EHD4: variants seen among roughly 807,000 people sequenced by gnomAD.
EHD4 encodes EH domain-containing protein 4.
A neutral mutation model predicts 51.0 loss-of-function variants in EHD4; 37 were observed. The ratio of observed to expected loss-of-function variants is 0.73; its 90% CI spans 0.56 to 0.95. The LOEUF (loss-of-function observed/expected upper bound fraction) is 0.95. Ranked by LOEUF, EHD4 falls within the 40% of genes least tolerant of loss-of-function variation. EHD4 has a pLI of 0.00. For synonymous variants in EHD4, 297 were observed against 317.3 expected (o/e 0.94, Z 0.68); for missense variants, 632 against 733.1 (o/e 0.86, Z 1.59).
At chr15:41,903,463 C>T (rs1196487351) in intron 5 of EHD4, among the ~76,000 whole-genome samples, 34 of 110,680 alleles carry the variant, frequency 3.1e-4, no homozygotes, top group African/African-American at 1.2e-3. Flanking sequence ...TACACACACA[C>T]ACACACACAC....
intron 3 of EHD4, among the ~76,000 whole-genome samples, chr15:41,923,107 C>A (rs1394712453): frequency 1.3e-5 from 2 of 152,172 alleles, no homozygotes; most frequent in Non-Finnish European, 2.9e-5. Flanking sequence ...GTCGTACAAC[C>A]ACCACCACCA....
intron 4 of EHD4, among the ~76,000 whole-genome samples, chr15:41,913,299 A>T (rs765250923): frequency 2.0e-5 from 3 of 152,192 alleles, no homozygotes; most frequent in Non-Finnish European, 4.4e-5. Context: ...CTCCAAATAC[A>T]TGCCAGACCC....
At chr15:41,945,850 C>T (rs757984645) in intron 2 of EHD4, among the ~76,000 whole-genome samples, 9 of 152,216 alleles carry the variant, frequency 5.9e-5, no homozygotes, top group Non-Finnish European at 1.2e-4. Flanking sequence ...TAGTGAAGAA[C>T]CTGGGCTCTG....
chr15:41,907,278 A>C (rs1177519999), intron 5 of EHD4, among the ~76,000 whole-genome samples: 2 of 152,236 alleles, frequency 1.3e-5, no homozygotes, highest in Non-Finnish European at 2.9e-5. Flanking sequence ...ATTTAGGTCA[A>C]GAAACCAAGT....
intron 1 of EHD4, among the ~76,000 whole-genome samples, chr15:41,957,779 T>C (rs540571090): frequency 6.6e-6 from 1 of 152,312 alleles, no homozygotes; most frequent in Non-Finnish European, 1.5e-5. Context: ...GATTTTTCAC[T>C]GGGGGACTGC....
At chr15:41,930,429 A>ATT (rs140157070) in intron 3 of EHD4, among the ~76,000 whole-genome samples, 1,557 of 152,340 alleles carry the variant, frequency 0.01, 21 homozygotes, top group South Asian at 0.042. Flanking sequence ...GAGGTCAAAC[A>ATT]TTTATAAGCA....
At chr15:41,919,719 G>A (rs2067611709) in intron 3 of EHD4, 97 bp from the exon 4 acceptor site, 1 of 1,243,710 alleles carries the variant, frequency 8.0e-7, no homozygotes, top group Non-Finnish European at 1.0e-6. Flanking sequence ...CAGCTGCCAG[G>A]GAGAGAGCCC....
chr15:41,903,344 GA>G (rs147864982), intron 5 of EHD4, among the ~76,000 whole-genome samples: 32,567 of 108,750 alleles, frequency 0.3, 4,336 homozygotes, highest in Middle Eastern at 0.51. Flanking sequence ...AAAAAAAACA[GA>G]AAAAACTGGT....
chr15:41,923,765 C>A (rs532411411), intron 3 of EHD4, among the ~76,000 whole-genome samples: 2 of 152,264 alleles, frequency 1.3e-5, no homozygotes, highest in African/African-American at 4.8e-5. Flanking sequence ...CCTTTTATTC[C>A]AAAAAGTTAC....
intron 3 of EHD4, among the ~76,000 whole-genome samples, chr15:41,940,191 G>A (rs530377247): frequency 3.3e-5 from 5 of 152,176 alleles, no homozygotes; most frequent in Non-Finnish European, 7.4e-5. Flanking sequence ...GTACACAAGC[G>A]GCCACCTTTC....
At chr15:41,963,644 T>C (rs1484604884) in intron 1 of EHD4, among the ~76,000 whole-genome samples, 1 of 150,842 alleles carries the variant, frequency 6.6e-6, no homozygotes, top group Non-Finnish European at 1.5e-5. Context: ...TCCTGAGTCT[T>C]AAGATAAACA....
chr15:41,902,241 C>CTCCA (rs56023420), intron 5 of EHD4, among the ~76,000 whole-genome samples: 17,358 of 146,236 alleles, frequency 0.12, 1,158 homozygotes, highest in African/African-American at 0.17. Flanking sequence ...TCCTTGGTTA[C>CTCCA]TCCATCCATC....
intron 5 of EHD4, among the ~76,000 whole-genome samples, chr15:41,906,360 G>A (rs982247129): frequency 6.6e-6 from 1 of 152,196 alleles, no homozygotes; most frequent in African/African-American, 2.4e-5. Flanking sequence ...GCCACACTGG[G>A]GAGATGACCT....
At chr15:41,926,557 T>C (rs1053512865) in intron 3 of EHD4, among the ~76,000 whole-genome samples, 1 of 151,926 alleles carries the variant, frequency 6.6e-6, no homozygotes, top group Admixed American at 6.6e-5. Flanking sequence ...GCACCAAGAG[T>C]TCCTTCTTGT....
In EHD4 at chr15:41,912,284, G is replaced by C. The variant is rs2067555348; in HGVS notation, c.925-2421C>G. ...CACTTCTAGGAAGTTCTGTTAGCGA[G>C]GTTTGTGGAAGTCTCCTGTTACGCT... On this transcript the variant is annotated intron_variant, in intron 4 of 5. Transcript: ENST00000220325. Among the ~76,000 whole-genome samples the C allele has an allele frequency of 4.6e-5, 7 of 152,274 alleles. No homozygotes were observed. In the South Asian group the frequency reaches 1.2e-3, roughly 27 times the overall value.
At chr15:41,954,415 C>T (rs906946171) in intron 1 of EHD4, among the ~76,000 whole-genome samples, 9 of 152,190 alleles carry the variant, frequency 5.9e-5, no homozygotes, top group African/African-American at 2.2e-4. Context: ...TCTGCAGCTC[C>T]CCATTCCTGC....
At chr15:41,907,094 C>T (rs974975829) in intron 5 of EHD4, among the ~76,000 whole-genome samples, 26 of 152,144 alleles carry the variant, frequency 1.7e-4, no homozygotes, top group Admixed American at 1.3e-4. Context: ...CCTACATTAT[C>T]GGGCTCACAG....
rs1280143318 is a variant in EHD4 at position 41,899,518 on chromosome 15, A to AC, written c.*1126dup. 1 of 151,754 alleles carries AC rather than the reference A, an allele frequency of 6.6e-6. No homozygotes were observed. The highest frequency in any genetic ancestry group is 2.4e-5 in the African/African-American group (1 of 41,272). 9.4% of individuals were successfully genotyped at this position (151,754 alleles called of 1,614,324 possible). A position where few individuals can be genotyped will look rare whatever the true frequency, so the allele number is the denominator to read the frequency against. The stretch of plus-strand genomic sequence containing the variant: ...TTTATCCTGTAAGGAAAAAAAAAAA[A>AC]CACAAAACCCTAGACATAATAAATG... On this transcript the variant is annotated 3_prime_UTR_variant, in exon 6 of 6. Transcript: ENST00000220325.
intron 5 of EHD4, among the ~76,000 whole-genome samples, chr15:41,904,358 G>A (rs892809856): frequency 2.0e-5 from 3 of 151,888 alleles, no homozygotes; most frequent in South Asian, 4.2e-4. Flanking sequence ...TCATCCCTGT[G>A]GTCCCCCCCA....
Sources: gnomAD v4.1 joint callset for allele counts (sites outside exome capture counted in the v4.1 genomes callset) on GRCh38, gnomAD v4.1.1 for gene constraint, MANE v1.5 for transcripts, NCBI Gene and HGNC (gene_info 2026-07-23, HGNC 2026-07-21) for gene names.